Variants in RYR2 observed in about 807,000 individuals in gnomAD.
RYR2 encodes the protein cardiac muscle ryanodine receptor-calcium release channel.
A neutral mutation model predicts 601.1 loss-of-function variants in RYR2; 227 were observed. The ratio of observed to expected loss-of-function variants is 0.38; its 90% confidence interval spans 0.34 to 0.42. The LOEUF is 0.42. RYR2 is among the 10% of genes least tolerant of loss of function. The pLI, the probability that RYR2 is intolerant of heterozygous loss-of-function variation, is 1.00. For missense variants in RYR2, 4,646 were observed against 6,156.5 expected (o/e 0.75, Z 8.21); for synonymous variants, 2,223 against 2,175.1 (o/e 1.02, Z -0.61).
At chr1:237,651,134 G>T (rs939954083) in intron 50 of RYR2, among the ~76,000 whole-genome samples, 2 of 152,188 alleles carry the variant, frequency 1.3e-5, no homozygotes, top group South Asian at 4.1e-4. Context: ...GTCTGCATTT[G>T]TGAGTGGTTA....
chr1:237,657,019 A>G (rs1683310810), intron 53 of RYR2, among the ~76,000 whole-genome samples: 1 of 152,210 alleles, frequency 6.6e-6, no homozygotes, highest in Non-Finnish European at 1.5e-5. Context: ...AGATTTTTAA[A>G]TATCAGAACA....
rs529075926 is a variant in RYR2, at chr1:237,453,042, T to G, written c.1293-1349T>G. On this transcript the variant is annotated intron_variant, in intron 14 of 104. Transcript: ENST00000366574. Reference sequence around the variant, plus strand: ...TGTGGATACTGAATCGTTTTTGAATTTTATTCACTTATTAACAGTTGAGTT... The same window carrying G: ...TGTGGATACTGAATCGTTTTTGAATGTTATTCACTTATTAACAGTTGAGTT... Among the ~76,000 whole-genome samples the G allele has an allele frequency of 7.2e-5, 11 of 152,210 alleles. No individual in the cohort carries two copies. In the South Asian group the frequency reaches 2.3e-3, roughly 32 times the overall value.
chr1:237,301,169 A>G (rs944283017), intron 2 of RYR2, among the ~76,000 whole-genome samples: 1 of 152,138 alleles, frequency 6.6e-6, no homozygotes, highest in South Asian at 2.1e-4. Context: ...GACTTTAAAA[A>G]CCACAATCTC....
intron 17 of RYR2, 87 bp downstream of exon 17, chr1:237,469,274 A>AC (rs1203878636): frequency 6.3e-6 from 5 of 793,604 alleles, no homozygotes; most frequent in African/African-American, 1.8e-5. Flanking sequence ...AAAAAAAAAA[A>AC]AAAAACAACT....
chr1:237,462,875 C>T (rs372872232), intron 16 of RYR2, among the ~76,000 whole-genome samples: 2 of 152,028 alleles, frequency 1.3e-5, no homozygotes, highest in South Asian at 2.1e-4. Context: ...AGAAACGTAT[C>T]GTATAAACAA....
intron 29 of RYR2, among the ~76,000 whole-genome samples, chr1:237,572,235 G>A (rs921772797): frequency 2.6e-5 from 4 of 152,076 alleles, no homozygotes; most frequent in African/African-American, 7.2e-5. Context: ...TACACTGGCT[G>A]CTACTATGGA....
chr1:237,493,688 G>A (rs909848641), intron 19 of RYR2, among the ~76,000 whole-genome samples: 6 of 152,016 alleles, frequency 3.9e-5, no homozygotes, highest in African/African-American at 9.7e-5. Context: ...TCCTGACCTC[G>A]TGATCTGCCC....
intron 29 of RYR2, 33 bp from the exon 30 acceptor site, chr1:237,589,760 G>C (rs758160644): frequency 6.3e-7 from 1 of 1,581,106 alleles, no homozygotes; most frequent in South Asian, 1.1e-5. Flanking sequence ...ATATACTAAT[G>C]GTACTAAAAC....
chr1:237,582,744 A>T (rs937641199), intron 29 of RYR2, among the ~76,000 whole-genome samples: 1 of 135,842 alleles, frequency 7.4e-6, no homozygotes, highest in African/African-American at 2.8e-5. Flanking sequence ...AGAGGACATG[A>T]TTTCATTTTT....
intron 3 of RYR2, among the ~76,000 whole-genome samples, chr1:237,331,547 G>A (rs1443674594): frequency 1.3e-5 from 2 of 151,526 alleles, no homozygotes; most frequent in East Asian, 3.9e-4. Flanking sequence ...CTGTCACCCA[G>A]GCTGGAGTGC....
chr1:237,700,229 G>A lies in RYR2; in HGVS notation c.9129G>A (p.Arg3043=), dbSNP rs1687847434. Residue 3043 remains arginine (R), a splice_region_variant and synonymous_variant, in exon 65 of 105, where the codon AGG becomes AGA. Transcript: ENST00000366574. ...GAGTCCTCCCTTATTTACTTTCTAG[G>A]ACAGTGATGAAGACTGGCCTGGAGA... The part of the protein sequence containing the change: ...LHILGQTLDA[R]TVMKTGLESV... The A allele has an allele frequency of 6.5e-7, 1 of 1,538,170 alleles. No individual in the cohort carries two copies. Among genetic ancestry groups the A allele is most frequent in the East Asian group, 2.4e-5 (1 of 41,906 alleles).
intron 21 of RYR2, among the ~76,000 whole-genome samples, chr1:237,502,049 C>T (rs1664695284): frequency 6.6e-6 from 1 of 152,008 alleles, no homozygotes; most frequent in East Asian, 1.9e-4. Context: ...TCTTAGCTAC[C>T]CGGGAGGCTG....
chr1:237,646,084 A>G (rs754971718), intron 48 of RYR2, among the ~76,000 whole-genome samples: 16 of 152,138 alleles, frequency 1.1e-4, no homozygotes, highest in Admixed American at 5.9e-4. Flanking sequence ...TCACCATGTT[A>G]GCCAGGATGG....
At chr1:237,359,420 G>A (rs952829976) in intron 4 of RYR2, among the ~76,000 whole-genome samples, 1 of 152,152 alleles carries the variant, frequency 6.6e-6, no homozygotes, top group African/African-American at 2.4e-5. Flanking sequence ...CCCCTTCGGA[G>A]ACTGGTCATT....
chr1:237,158,851 AATGTGTTTATGC>A lies in RYR2; in HGVS notation c.49-111644_49-111633del, dbSNP rs566925924. On this transcript the variant is annotated intron_variant, in intron 1 of 104. Transcript: ENST00000366574. Reference sequence around the variant, plus strand: ...CCTAAGACTGAGGCCCATAGTCTCTAATGTGTTTATGCAAAATGCTGCATGGTAGCTGCTAAT... The same window carrying A: ...CCTAAGACTGAGGCCCATAGTCTCTAAAAATGCTGCATGGTAGCTGCTAAT... Among the ~76,000 whole-genome samples, 38 of 152,340 alleles carry A rather than the reference AATGTGTTTATGC, an allele frequency of 2.5e-4. No homozygotes were observed. The South Asian group carries it at 7.9e-3, about 32-fold the overall frequency.
chr1:237,658,190 T>C (rs1220114993), intron 54 of RYR2, among the ~76,000 whole-genome samples, 168 bp downstream of exon 54: 1 of 152,122 alleles, frequency 6.6e-6, no homozygotes, highest in East Asian at 1.9e-4. Flanking sequence ...TTTAGCTAGC[T>C]CTATCATTAA....
chr1:237,218,761 C>T (rs1683459155), intron 1 of RYR2, among the ~76,000 whole-genome samples: 1 of 152,002 alleles, frequency 6.6e-6, no homozygotes, highest in Non-Finnish European at 1.5e-5. Context: ...GGGTTGGGCT[C>T]CCCTCATACA....
At chr1:237,473,477 C>CTTTCTTCTTTCTTTCTTTCTTTCTT (rs1553464755) in intron 17 of RYR2, among the ~76,000 whole-genome samples, 1 of 145,564 alleles carries the variant, frequency 6.9e-6, no homozygotes, top group Non-Finnish European at 1.5e-5. Flanking sequence ...ATCTATCTAT[C>CTTTCTTCTTTCTTTCTTTCTTTCTT]TGGCATATAT....
intron 8 of RYR2, among the ~76,000 whole-genome samples, chr1:237,378,778 T>C (rs150384115): frequency 7.0e-4 from 106 of 152,340 alleles, no homozygotes; most frequent in African/African-American, 2.3e-3. Flanking sequence ...ATTCCAGATT[T>C]GAAACATTTC....
Sources: allele counts gnomAD v4.1 joint callset (sites outside exome capture counted in the v4.1 genomes callset), GRCh38; gene constraint gnomAD v4.1.1; transcripts MANE v1.5; gene names NCBI Gene and HGNC (gene_info 2026-07-23, HGNC 2026-07-21).